The following MYO5C variants were observed in gnomAD, a reference collection of about 807,000 sequenced individuals.
The protein encoded by MYO5C is unconventional myosin-Vc.
MYO5C carries 194 observed loss-of-function variants against 235.7 expected under a neutral mutation model. The observed-to-expected ratio is 0.82, with a 90% CI of 0.73 to 0.93. The LOEUF (loss-of-function observed/expected upper bound fraction) is 0.93, where lower values mean the gene tolerates loss of function less well. Among genes scored for constraint, MYO5C ranks in the 40% least tolerant of loss-of-function variants. The probability of loss-of-function intolerance (pLI) is 0.00; values close to 1 mark genes in which losing one functional copy is unlikely to be tolerated. For missense variants in MYO5C, 2,038 were observed against 2,127.2 expected, an observed-to-expected ratio of 0.96 and a Z score of 0.82; for synonymous variants, 707 against 754.8, an observed-to-expected ratio of 0.94 and a Z score of 1.04.
chr15:52,268,180 T>G (rs1451236190), intron 8 of MYO5C, among the ~76,000 whole-genome samples: 1 of 152,186 alleles, frequency 6.6e-6, no homozygotes, highest in Non-Finnish European at 1.5e-5. Flanking sequence ...TCTTAGTTTT[T>G]TACATTCAGA....
intron 36 of MYO5C, among the ~76,000 whole-genome samples, chr15:52,207,771 T>A (rs1287200635): frequency 6.6e-6 from 1 of 152,014 alleles, no homozygotes. Flanking sequence ...TATAAAGACC[T>A]CCTACAAATC....
intron 8 of MYO5C, among the ~76,000 whole-genome samples, chr15:52,268,347 G>T (rs1052590449): frequency 6.6e-6 from 1 of 152,118 alleles, no homozygotes; most frequent in South Asian, 2.1e-4. Flanking sequence ...GGCAGATCAC[G>T]AGGTCAGGAG....
chr15:52,206,950 T>A (rs1314908362), intron 36 of MYO5C, among the ~76,000 whole-genome samples: 1 of 152,094 alleles, frequency 6.6e-6, no homozygotes, highest in Non-Finnish European at 1.5e-5. Context: ...CTGGCCAACA[T>A]GGTGAAACCC....
Position 52,208,552 on chromosome 15 carries a change from A to G in MYO5C, c.4386+2T>C. The G allele has an allele frequency of 6.2e-7, 1 of 1,613,690 alleles. No individual in the cohort carries two copies. The highest frequency in any genetic ancestry group is 8.5e-7 in the Non-Finnish European group (1 of 1,179,790). On this transcript the variant is annotated splice_donor_variant, in intron 36 of 40. Coordinates refer to ENST00000261839, the MANE Select transcript of MYO5C (RefSeq NM_018728.4). LOFTEE classifies it high-confidence loss of function. ...AACAACAAGCAGGTGGGCGCCCCCT[A>G]CCTCTTCTCCGCTGTACTGCTTCAG...
Position 52,232,188 on chromosome 15 carries a change from AAGGG to A in MYO5C, c.3026+430_3026+433del, listed in dbSNP as rs1245186001. Among the ~76,000 whole-genome samples, 1,779 of 99,408 alleles carry A rather than the reference AAGGG, an allele frequency of 0.018. 514 individuals are homozygous for A. The East Asian group carries it at 0.25, about 14-fold the overall frequency. 65.2% of individuals were successfully genotyped at this position (99,408 alleles called of 152,430 possible). On this transcript the variant is annotated intron_variant, in intron 24 of 40. Coordinates refer to ENST00000261839, the MANE Select transcript of MYO5C (RefSeq NM_018728.4). ...AAGGGAAGGAAGGGAGGAAGGGAGG[AAGGG>A]AGGAAGGAAGGAAGGAAAAGAAAGA...
At chr15:52,239,700 AG>A (rs779772417) in intron 21 of MYO5C, 32 bp downstream of exon 21, 1 of 1,560,344 alleles carries the variant, frequency 6.4e-7, no homozygotes, top group East Asian at 2.3e-5. Flanking sequence ...TGTAAGAAAA[AG>A]TAAATGTAAA....
rs1232732060 is a variant in MYO5C, at chr15:52,278,738, G to A, written c.449+135C>T. 5.9e-6 allele frequency: 6 copies of A among 1,011,356 alleles called. No individual in the cohort carries two copies. In the African/African-American group the frequency reaches 8.1e-5, roughly 14 times the overall value. 62.6% of individuals were successfully genotyped at this position (1,011,356 alleles called of 1,614,324 possible). On this transcript the variant is annotated intron_variant, in intron 4 of 40. Transcript: ENST00000261839. Reference sequence around the variant, plus strand: ...CGTTTGCTATTCATTCCAGGTAGTCGGCTCAACAAAGCACCACCTCTGGCC... The same window carrying A: ...CGTTTGCTATTCATTCCAGGTAGTCAGCTCAACAAAGCACCACCTCTGGCC...
chr15:52,281,385 C>T (rs1180530184), intron 2 of MYO5C, among the ~76,000 whole-genome samples: 1 of 152,258 alleles, frequency 6.6e-6, no homozygotes, highest in Non-Finnish European at 1.5e-5. Flanking sequence ...AATGTAGCCA[C>T]CTGAAGCCCT....
At chr15:52,196,646 A>G (rs912611562) in intron 38 of MYO5C, among the ~76,000 whole-genome samples, 163 bp from the exon 39 acceptor site, 4 of 152,202 alleles carry the variant, frequency 2.6e-5, no homozygotes, top group African/African-American at 9.7e-5. Flanking sequence ...AGCTCTCCTA[A>G]TCCAGAGTTC....
intron 25 of MYO5C, among the ~76,000 whole-genome samples, chr15:52,226,813 T>A (rs968274581): frequency 3.3e-5 from 5 of 152,228 alleles, no homozygotes; most frequent in Non-Finnish European, 7.3e-5. Context: ...TAAGACTGAC[T>A]ATAACACATA....
chr15:52,236,756 T>G (rs2036096199), intron 22 of MYO5C: 1 of 152,250 alleles, frequency 6.6e-6, no homozygotes, highest in African/African-American at 2.4e-5. Flanking sequence ...CTCACACTTT[T>G]GCAGGGACTC....
At chr15:52,288,460 G>A (rs1234132212) in intron 1 of MYO5C, among the ~76,000 whole-genome samples, 1 of 152,140 alleles carries the variant, frequency 6.6e-6, no homozygotes, top group Non-Finnish European at 1.5e-5. Flanking sequence ...ACCCCAGGCC[G>A]CCCACACCCT....
chr15:52,259,722 A>G (rs1297095124), intron 10 of MYO5C, among the ~76,000 whole-genome samples: 4 of 152,270 alleles, frequency 2.6e-5, no homozygotes, highest in Admixed American at 1.3e-4. Flanking sequence ...ATTGGGAGCC[A>G]TATGTATTAA....
chr15:52,262,894 G>A (rs563090237), intron 9 of MYO5C, among the ~76,000 whole-genome samples: 42 of 152,332 alleles, frequency 2.8e-4, no homozygotes, highest in African/African-American at 8.7e-4. Context: ...CAATGTGACC[G>A]TATTTGGAGA....
chr15:52,267,815 A>C (rs549656821), intron 8 of MYO5C, among the ~76,000 whole-genome samples: 18 of 152,224 alleles, frequency 1.2e-4, no homozygotes, highest in South Asian at 2.1e-4. Flanking sequence ...AGGAGGACAT[A>C]ATAGAGGTGG....
In MYO5C at chr15:52,273,019, C is replaced by T. The variant is rs141739821; in HGVS notation, c.607-296G>A. ...TCTATCTTTGCTATCTGTGTAATGT[C>T]TTAAAAGTTAATTCACTGGCTAGGT... On this transcript the variant is annotated intron_variant, in intron 5 of 40. Transcript: ENST00000261839. Among the ~76,000 whole-genome samples, 583 of 152,244 alleles carry T rather than the reference C, an allele frequency of 3.8e-3. 4 individuals are homozygous for T. The highest frequency in any genetic ancestry group is 6.1e-3 in the Non-Finnish European group (412 of 68,008).
intron 37 of MYO5C, 52 bp from the exon 38 acceptor site, chr15:52,205,199 C>A (rs1655998377): frequency 6.3e-7 from 1 of 1,581,454 alleles, no homozygotes. Context: ...ACACGCGGAA[C>A]GTTCCCGACG....
intron 1 of MYO5C, among the ~76,000 whole-genome samples, chr15:52,284,514 G>C (rs1470060515): frequency 6.6e-6 from 1 of 152,206 alleles, no homozygotes; most frequent in African/African-American, 2.4e-5. Flanking sequence ...TCTGTATCTT[G>C]ATGGGGCTCG....
chr15:52,285,265 G>A (rs557872955), intron 1 of MYO5C, among the ~76,000 whole-genome samples: 11 of 152,196 alleles, frequency 7.2e-5, no homozygotes, highest in African/African-American at 2.6e-4. Context: ...CTACTCAGGA[G>A]GCTGAGGCAG....
Sources: gnomAD v4.1 joint callset for allele counts (sites outside exome capture counted in the v4.1 genomes callset) on GRCh38, gnomAD v4.1.1 for gene constraint, MANE v1.5 for transcripts, NCBI Gene and HGNC (gene_info 2026-07-23, HGNC 2026-07-21) for gene names.